KLHDC7B: variants seen among roughly 807,000 people sequenced by gnomAD.
KLHDC7B encodes the protein kelch domain containing 7B.
Under a neutral mutation model 0.6 loss-of-function variants are expected in KLHDC7B, and 1 was observed. The ratio of observed to expected loss-of-function variants is 1.71; its 90% CI spans 0.61 to 8.11. The LOEUF is 8.11. Ranked by LOEUF, KLHDC7B falls within the 30% of genes most tolerant of loss-of-function variation. The pLI, the probability that KLHDC7B is intolerant of heterozygous loss-of-function variation, is 0.13. For missense variants in KLHDC7B, 993 were observed against 894.9 expected (o/e 1.11, Z -1.40); for synonymous variants, 462 against 405.2 (o/e 1.14, Z -1.68).
rs1386903442 is a variant in KLHDC7B, at chr22:50,549,182, C to T, written c.2939C>T (p.Pro980Leu). 6.2e-7 allele frequency: 1 copy of T among 1,605,560 alleles called. No homozygotes were observed. The highest frequency in any genetic ancestry group is 8.5e-7 in the Non-Finnish European group (1 of 1,179,678). Residue 980 changes from proline to leucine, a missense_variant, in exon 1 of 1, where the codon CCC becomes CTC. Transcript: ENST00000648057. The part of the protein sequence containing the change: ...ENTWRPLTQV[P>L]EEAPLRGCGL... The stretch of plus-strand genomic sequence containing the variant: ...ACCTGGCGGCCCCTGACCCAGGTGC[C>T]CGAGGAGGCCCCGCTTCGGGGCTGC...
chr22:50,549,425 G>A lies in KLHDC7B; in HGVS notation c.3182G>A (p.Cys1061Tyr), dbSNP rs773997042. ...GGCGAATGCCTGTACAGCATGGAGT[G>A]CTACGACCCGCGAACAGACGCCTGG... Reference protein sequence around the residue: ...IGGECLYSMECYDPRTDAWTP... With the variant: ...IGGECLYSMEYYDPRTDAWTP... The change falls in exon 1 of 1, where the codon TGC becomes TAC. Residue 1061 changes from cysteine (C) to tyrosine (Y), a missense_variant. Cys to Tyr is a radical substitution (Grantham distance 194). Transcript: ENST00000648057. 3.7e-6 allele frequency: 6 copies of A among 1,612,744 alleles called. No individual in the cohort carries two copies. Among genetic ancestry groups the A allele is most frequent in the Non-Finnish European group, 5.1e-6 (6 of 1,179,926 alleles).
Position 50,549,202 on chromosome 22 carries a change from G to C in KLHDC7B, c.2959G>C (p.Gly987Arg). The stretch of plus-strand genomic sequence containing the variant: ...GGTGCCCGAGGAGGCCCCGCTTCGG[G>C]GCTGCGGTCTCTGCACCATGCACAA... Reference protein sequence around the residue: ...TQVPEEAPLRGCGLCTMHNYL... With the variant: ...TQVPEEAPLRRCGLCTMHNYL... The change falls in exon 1 of 1, where the codon GGC (glycine) becomes CGC (arginine). Residue 987 changes from glycine to arginine, a missense_variant. By Grantham distance (125) the Gly-to-Arg change is moderately radical (BLOSUM62 -2). Coordinates refer to ENST00000648057, the MANE Select transcript of KLHDC7B (RefSeq NM_138433.5). 1 of 1,606,880 alleles carries C rather than the reference G, an allele frequency of 6.2e-7. No individual in the cohort carries two copies. Among genetic ancestry groups the C allele is most frequent in the Non-Finnish European group, 8.5e-7 (1 of 1,179,820 alleles).
Position 50,548,310 on chromosome 22 carries a change from C to T in KLHDC7B, c.2067C>T (p.Val689=), listed in dbSNP as rs1249088383. Residue 689 remains valine, a synonymous_variant, in exon 1 of 1, where the codon GTC becomes GTT. Transcript: ENST00000648057. The surrounding 1 kb of genome is among the most constrained non-coding windows in gnomAD (Gnocchi z 5.3). ...RHGPSSSVGT[V]IGTGTGGLVE... ...GCCCCTCTTCTTCAGTGGGGACAGT[C>T]ATAGGGACAGGTACAGGGGGCCTGG... 12 of 1,551,002 alleles carry T rather than the reference C, an allele frequency of 7.7e-6. No individual in the cohort carries two copies. Among genetic ancestry groups the T allele is most frequent in the Non-Finnish European group, 1.0e-5 (12 of 1,146,960 alleles).
chr22:50,550,023 G>C lies in KLHDC7B; in HGVS notation c.*72G>C. ...CCTCCTGGGATGGGCCTGAGAGGCC[G>C]GGGCTCAGGGAAGGGGCTGGGATCG... On this transcript the variant is annotated 3_prime_UTR_variant, in exon 1 of 1. Transcript: ENST00000648057. The C allele has an allele frequency of 1.4e-6, 2 of 1,398,924 alleles. No homozygotes were observed. The highest frequency in any genetic ancestry group is 2.0e-4 in the Middle Eastern group (1 of 5,034). 86.7% of individuals were successfully genotyped at this position (1,398,924 alleles called of 1,614,324 possible).
Position 50,548,307 on chromosome 22 carries a change from A to C in KLHDC7B, c.2064A>C (p.Thr688=). The C allele has an allele frequency of 3.2e-6, 5 of 1,551,146 alleles. No homozygotes were observed. The highest frequency in any genetic ancestry group is 3.5e-6 in the Non-Finnish European group (4 of 1,146,934). ...DRHGPSSSVG[T]VIGTGTGGLV... is the part of the protein sequence containing the mutation. ...ACGGCCCCTCTTCTTCAGTGGGGACAGTCATAGGGACAGGTACAGGGGGCC... is the reference window on the plus strand; with the variant it reads ...ACGGCCCCTCTTCTTCAGTGGGGACCGTCATAGGGACAGGTACAGGGGGCC... The change falls in exon 1 of 1, where the codon ACA becomes ACC. Residue 688 remains threonine (T), a synonymous_variant. Coordinates refer to ENST00000648057, the MANE Select transcript of KLHDC7B (RefSeq NM_138433.5). The surrounding 1 kb of genome is among the most constrained non-coding windows in gnomAD (Gnocchi z 5.3).
chr22:50,548,591 C>T lies in KLHDC7B; in HGVS notation c.2348C>T (p.Ser783Leu), dbSNP rs1350375645. The T allele has an allele frequency of 7.8e-6, 12 of 1,545,942 alleles. No individual in the cohort carries two copies. Among genetic ancestry groups the T allele is most frequent in the Non-Finnish European group, 9.6e-6 (11 of 1,146,742 alleles). ...KRSRCEIAPS[S>L]EQEVRPAASG... ...AGCAGGTGCGAAATCGCCCCGAGCT[C>T]GGAGCAGGAGGTCAGGCCGGCCGCC... Residue 783 changes from serine (S) to leucine (L), a missense_variant, in exon 1 of 1, where the codon TCG (serine) becomes TTG (leucine). Ser to Leu is a moderately radical substitution (Grantham distance 145). Transcript: ENST00000648057. The surrounding 1 kb of genome is among the most constrained non-coding windows in gnomAD (Gnocchi z 5.3).
rs746034729 is a variant in KLHDC7B, at chr22:50,548,428, A to G, written c.2185A>G (p.Arg729Gly). 1.3e-6 allele frequency: 2 copies of G among 1,575,702 alleles called. No individual in the cohort carries two copies. The highest frequency in any genetic ancestry group is 2.3e-5 in the East Asian group (1 of 43,514). ...PPPGLRGEGTREKSLDPLPQA... is the reference protein window; with the variant it reads ...PPPGLRGEGTGEKSLDPLPQA... ...CCCAGGCCTAAGAGGAGAGGGAACC[A>G]GGGAGAAAAGTCTAGACCCGCTGCC... The change falls in exon 1 of 1, where the codon AGG becomes GGG. Residue 729 changes from arginine to glycine, a missense_variant. Transcript: ENST00000648057. The surrounding 1 kb of genome is among the most constrained non-coding windows in gnomAD (Gnocchi z 5.3).
Position 50,548,618 on chromosome 22 carries a change from C to T in KLHDC7B, c.2375C>T (p.Ser792Leu), listed in dbSNP as rs762445861. Residue 792 changes from serine to leucine, a missense_variant, in exon 1 of 1, where the codon TCG becomes TTG. Coordinates refer to ENST00000648057, the MANE Select transcript of KLHDC7B (RefSeq NM_138433.5). This position sits in a 1 kb window ranked among gnomAD's most constrained non-coding sequence, Gnocchi z 5.3. ...SSEQEVRPAA[S>L]GDPQGEAPGE... ...GAGCAGGAGGTCAGGCCGGCCGCCT[C>T]GGGGGACCCTCAAGGGGAGGCGCCG... 10 of 1,542,522 alleles carry T rather than the reference C, an allele frequency of 6.5e-6. No individual in the cohort carries two copies. Among genetic ancestry groups the T allele is most frequent in the South Asian group, 1.2e-5 (1 of 83,888 alleles).
Position 50,549,913 on chromosome 22 carries a change from ACT to A in KLHDC7B, c.1750_1751del (p.Leu584AlafsTer3), listed in dbSNP as rs1370359389. The A allele has an allele frequency of 6.3e-6, 10 of 1,585,558 alleles. No individual in the cohort carries two copies. The highest frequency in any genetic ancestry group is 1.4e-5 in the African/African-American group (1 of 74,072). On this transcript the variant is annotated frameshift_variant, in exon 1 of 1. Transcript: ENST00000395676. LOFTEE classifies it high-confidence loss of function. ...CGGGGTCCTCAGTCCATTCATCCTG[ACT>A]CTGCCCCCTGAGGACCGGCTGCAGA...
Position 50,549,933 on chromosome 22 carries a change from GCTGCAGAC to G in KLHDC7B, c.1770_1777del (p.Gln591ThrfsTer24). On this transcript the variant is annotated frameshift_variant, in exon 1 of 1. Coordinates refer to the KLHDC7B transcript ENST00000395676. LOFTEE classifies it high-confidence loss of function. ...TCCTGACTCTGCCCCCTGAGGACCG[GCTGCAGAC>G]CTCACTCTGAGTGGCAGGCAGAGAA... The G allele has an allele frequency of 6.4e-7, 1 of 1,569,450 alleles. No individual in the cohort carries two copies. Among genetic ancestry groups the G allele is most frequent in the Non-Finnish European group, 8.7e-7 (1 of 1,152,824 alleles).
rs754508839 is a variant in KLHDC7B, at chr22:50,548,378, A to G, written c.2135A>G (p.Asn712Ser). 52 of 1,552,210 alleles carry G rather than the reference A, an allele frequency of 3.4e-5. 1 individual carries two copies. The highest frequency in any genetic ancestry group is 6.8e-5 in the African/African-American group (5 of 73,132). The part of the protein sequence containing the change: ...GQPQPRSSET[N>S]GSPSPDPPPG... ...CCACAGCCAAGAAGCTCCGAGACCA[A>G]CGGATCGCCCAGCCCAGACCCTCCC... The change falls in exon 1 of 1, where the codon AAC (asparagine) becomes AGC (serine). Residue 712 changes from asparagine to serine, a missense_variant. Asn to Ser is a conservative substitution (Grantham distance 46, BLOSUM62 1). Transcript: ENST00000648057. This position sits in a 1 kb window ranked among gnomAD's most constrained non-coding sequence, Gnocchi z 5.3.
Position 50,549,559 on chromosome 22 carries a change from AG to A in KLHDC7B, c.1395del (p.Arg465SerfsTer5). On this transcript the variant is annotated frameshift_variant, in exon 1 of 1. Transcript: ENST00000395676. LOFTEE classifies it low-confidence loss of function (END_TRUNC). ...GGGTCACCTCTTCTACCGCCTGCTCAGGTACAGCCCCGTGAAGGATGCTTGG... is the reference window on the plus strand; with the variant it reads ...GGGTCACCTCTTCTACCGCCTGCTCAGTACAGCCCCGTGAAGGATGCTTGG... 1 of 1,595,234 alleles carries A rather than the reference AG, an allele frequency of 6.3e-7. No homozygotes were observed. The highest frequency in any genetic ancestry group is 8.6e-7 in the Non-Finnish European group (1 of 1,168,534).
In KLHDC7B at chr22:50,550,886, C is replaced by A. The variant is rs2069800344; in HGVS notation, c.*935C>A. 4.3e-6 allele frequency: 1 copy of A among 231,152 alleles called. No homozygotes were observed. The highest frequency in any genetic ancestry group is 9.5e-6 in the Non-Finnish European group (1 of 104,878). 14.3% of individuals were successfully genotyped at this position (231,152 alleles called of 1,614,324 possible). On this transcript the variant is annotated 3_prime_UTR_variant, in exon 1 of 1. Coordinates refer to ENST00000648057, the MANE Select transcript of KLHDC7B (RefSeq NM_138433.5). ...TTCTCCCCTTACGCACTTTGAAACC[C>A]ATGCTAGAAAAGTGAATACATCTGA... is the stretch of plus-strand genomic sequence containing the variant.
chr22:50,549,008 C>A lies in KLHDC7B; in HGVS notation c.2765C>A (p.Ala922Glu). 6.3e-7 allele frequency: 1 copy of A among 1,595,020 alleles called. No individual in the cohort carries two copies. Among genetic ancestry groups the A allele is most frequent in the Non-Finnish European group, 8.5e-7 (1 of 1,175,110 alleles). The change falls in exon 1 of 1, where the codon GCG (alanine) becomes GAG (glutamate). Residue 922 changes from alanine to glutamate, a missense_variant. Coordinates refer to ENST00000648057, the MANE Select transcript of KLHDC7B (RefSeq NM_138433.5). ...ILSLRTGRGR[A>E]VLGVLVLPSL... ...AGCCTGCGGACCGGCCGGGGCCGGGCGGTGCTGGGCGTCCTCGTACTGCCC... is the reference window on the plus strand; with the variant it reads ...AGCCTGCGGACCGGCCGGGGCCGGGAGGTGCTGGGCGTCCTCGTACTGCCC...
Position 50,549,922 on chromosome 22 carries a change from C to T in KLHDC7B, c.3679C>T (p.Pro1227Ser), listed in dbSNP as rs1555890030. 3 of 1,581,510 alleles carry T rather than the reference C, an allele frequency of 1.9e-6. No homozygotes were observed. Among genetic ancestry groups the T allele is most frequent in the Admixed American group, 1.7e-5 (1 of 57,740 alleles). Reference sequence around the variant, plus strand: ...CAGTCCATTCATCCTGACTCTGCCCCCTGAGGACCGGCTGCAGACCTCACT... The same window carrying T: ...CAGTCCATTCATCCTGACTCTGCCCTCTGAGGACCGGCTGCAGACCTCACT... The part of the protein sequence containing the change: ...VLSPFILTLP[P>S]EDRLQTSL The change falls in exon 1 of 1, where the codon CCT (proline) becomes TCT (serine). Residue 1227 changes from proline (P) to serine (S), a missense_variant. Physicochemically the swap from Pro to Ser is moderately conservative, Grantham distance 74. Coordinates refer to ENST00000648057, the MANE Select transcript of KLHDC7B (RefSeq NM_138433.5).
chr22:50,549,961 A>G lies in KLHDC7B; in HGVS notation c.*10A>G. 3 of 1,531,212 alleles carry G rather than the reference A, an allele frequency of 2.0e-6. No homozygotes were observed. The South Asian group carries it at 3.7e-5, about 19-fold the overall frequency. 94.9% of individuals were successfully genotyped at this position (1,531,212 alleles called of 1,614,324 possible). On this transcript the variant is annotated 3_prime_UTR_variant, in exon 1 of 1. Coordinates refer to ENST00000648057, the MANE Select transcript of KLHDC7B (RefSeq NM_138433.5). The stretch of plus-strand genomic sequence containing the variant: ...GCAGACCTCACTCTGAGTGGCAGGC[A>G]GAGAACCAAAGCTGCTTCGCTGCTC...
Position 50,550,160 on chromosome 22 carries a change from A to G in KLHDC7B, c.*209A>G. 1.9e-6 allele frequency: 1 copy of G among 537,088 alleles called. No individual in the cohort carries two copies. The highest frequency in any genetic ancestry group is 3.3e-6 in the Non-Finnish European group (1 of 302,932). 33.3% of individuals were successfully genotyped at this position (537,088 alleles called of 1,614,324 possible). A position where few individuals can be genotyped will look rare whatever the true frequency, so the allele number is the denominator to read the frequency against. ...TTTCTGCCCCTCACTCCACACCCAG[A>G]CTGTTTCCTGACTCAATTCCGTACC... is the stretch of plus-strand genomic sequence containing the variant. On this transcript the variant is annotated 3_prime_UTR_variant, in exon 1 of 1. Coordinates refer to ENST00000648057, the MANE Select transcript of KLHDC7B (RefSeq NM_138433.5).
rs776932621 is a variant in KLHDC7B at position 50,549,116 on chromosome 22, C to T, written c.2873C>T (p.Pro958Leu). ...CCTGCGGCGGCCCCTGTGTCCCTGC[C>T]TCTACCTGCGCACCTGCATGTGTTC... ...EPPAAAPVSL[P>L]LPAHLHVFNP... The change falls in exon 1 of 1, where the codon CCT becomes CTT. Residue 958 changes from proline (P) to leucine (L), a missense_variant. Pro to Leu is a moderately conservative substitution (Grantham distance 98). Coordinates refer to ENST00000648057, the MANE Select transcript of KLHDC7B (RefSeq NM_138433.5). The T allele has an allele frequency of 1.2e-6, 2 of 1,602,022 alleles. No homozygotes were observed. Among genetic ancestry groups the T allele is most frequent in the African/African-American group, 1.3e-5 (1 of 75,046 alleles).
Position 50,549,571 on chromosome 22 carries a change from G to T in KLHDC7B, c.3328G>T (p.Val1110Leu), listed in dbSNP as rs1160340948. ...CTACCGCCTGCTCAGGTACAGCCCCGTGAAGGATGCTTGGGACGAGTGCCC... is the reference window on the plus strand; with the variant it reads ...CTACCGCCTGCTCAGGTACAGCCCCTTGAAGGATGCTTGGGACGAGTGCCC... ...LFYRLLRYSP[V>L]KDAWDECPYS... is the part of the protein sequence containing the mutation. Residue 1110 changes from valine to leucine, a missense_variant, in exon 1 of 1, where the codon GTG becomes TTG. Physicochemically the swap from Val to Leu is conservative, Grantham distance 32. Coordinates refer to ENST00000648057, the MANE Select transcript of KLHDC7B (RefSeq NM_138433.5). 6.3e-7 allele frequency: 1 copy of T among 1,581,772 alleles called. No individual in the cohort carries two copies. Among genetic ancestry groups the T allele is most frequent in the East Asian group, 2.3e-5 (1 of 44,416 alleles).
Sources: gnomAD v4.1 joint callset for allele counts on GRCh38, gnomAD v4.1.1 for gene constraint, Gnocchi (gnomAD v3.1) non-coding constraint, MANE v1.5 for transcripts, NCBI Gene and HGNC (gene_info 2026-07-23, HGNC 2026-07-21) for gene names.